Variants in MAGI2 observed in about 807,000 individuals in gnomAD.
The protein encoded by MAGI2 is membrane associated guanylate kinase, WW and PDZ domain containing 2.
A neutral mutation model predicts 133.3 loss-of-function variants in MAGI2; 35 were observed. That is an observed-to-expected ratio of 0.26 (90% confidence interval 0.20 to 0.35). The LOEUF is 0.35. Among genes scored for constraint, MAGI2 ranks in the 10% least tolerant of loss-of-function variants. The pLI, the probability that MAGI2 is intolerant of heterozygous loss-of-function variation, is 1.00. For missense variants in MAGI2, 1,636 were observed against 1,863.4 expected, an observed-to-expected ratio of 0.88 and a Z score of 2.25; for synonymous variants, 729 against 710.6, an observed-to-expected ratio of 1.03 and a Z score of -0.41.
At chr7:78,045,774 A>T (rs563413385) in intron 21 of MAGI2, among the ~76,000 whole-genome samples, 9 of 152,290 alleles carry the variant, frequency 5.9e-5, no homozygotes, top group African/African-American at 2.2e-4. Context: ...GCATGCATGC[A>T]GGGTGCTTTA....
intron 1 of MAGI2, among the ~76,000 whole-genome samples, chr7:79,059,530 G>T (rs189991005): frequency 6.6e-6 from 1 of 152,174 alleles, no homozygotes; most frequent in Admixed American, 6.6e-5. Context: ...GTGTCTAGGA[G>T]ATATTCCGTG....
chr7:79,158,018 T>C (rs959803000), intron 1 of MAGI2, among the ~76,000 whole-genome samples: 2 of 151,676 alleles, frequency 1.3e-5, no homozygotes, highest in Admixed American at 1.3e-4. Context: ...TTATGTTTAA[T>C]TGGCAGTTAA....
At chr7:78,547,218 G>A (rs1798920027) in intron 3 of MAGI2, among the ~76,000 whole-genome samples, 1 of 152,142 alleles carries the variant, frequency 6.6e-6, no homozygotes, top group Admixed American at 6.6e-5. Flanking sequence ...TGAAATAAAT[G>A]TGAACTATAC....
intron 16 of MAGI2, among the ~76,000 whole-genome samples, chr7:78,147,853 A>C (rs1041659750): frequency 6.6e-6 from 1 of 151,874 alleles, no homozygotes; most frequent in African/African-American, 2.4e-5. Context: ...CCACCCCCAA[A>C]CCCCAAAATG....
chr7:79,219,215 A>G lies in MAGI2; in HGVS notation c.302-212009T>C, dbSNP rs190346946. ...AAAGCAATGGTTCTAGTTAAAAAGC[A>G]TACATGGCCAACGTTGTTTACTCAC... On this transcript the variant is annotated intron_variant, in intron 1 of 21. Transcript: ENST00000354212. Among the ~76,000 whole-genome samples the G allele has an allele frequency of 4.3e-4, 66 of 152,188 alleles. 2 individuals are homozygous for G. The Middle Eastern group carries it at 0.027, about 63-fold the overall frequency.
At chr7:78,541,271 A>G (rs727200) in intron 3 of MAGI2, among the ~76,000 whole-genome samples, 120,345 of 152,158 alleles carry the variant, frequency 0.79, 48,150 homozygotes, top group African/African-American at 0.91. Context: ...GTCTTAATAG[A>G]TATCAGACAC....
chr7:78,438,030 T>C (rs1281505257), intron 6 of MAGI2, among the ~76,000 whole-genome samples: 1 of 152,148 alleles, frequency 6.6e-6, no homozygotes, highest in Non-Finnish European at 1.5e-5. Context: ...GTTGTTTATG[T>C]CACATGTAAT....
chr7:78,821,883 G>T (rs558845005), intron 2 of MAGI2, among the ~76,000 whole-genome samples: 20 of 152,040 alleles, frequency 1.3e-4, no homozygotes, highest in African/African-American at 4.3e-4. Flanking sequence ...GAAAGGCAAA[G>T]AAAATTCTGT....
rs529381396 is a variant in MAGI2 at position 78,844,067 on chromosome 7, G to A, written c.418+163023C>T. Among the ~76,000 whole-genome samples, 301 of 149,772 alleles carry A rather than the reference G, an allele frequency of 2.0e-3. 1 individual carries two copies. Among genetic ancestry groups the A allele is most frequent in the African/African-American group, 4.1e-3 (170 of 41,112 alleles). The stretch of plus-strand genomic sequence containing the variant: ...TCTACACACAGACACACATTCACAC[G>A]TTGCCTCTAATTTCAGAATTTTTTT... On this transcript the variant is annotated intron_variant, in intron 2 of 21. Coordinates refer to ENST00000354212, the MANE Select transcript of MAGI2 (RefSeq NM_012301.4).
chr7:78,177,936 A>G, intron 14 of MAGI2, 75 bp downstream of exon 14: 1 of 1,064,080 alleles, frequency 9.4e-7, no homozygotes. Context: ...TAGATATCAC[A>G]CTAAACACTA....
rs565498798 is a variant in MAGI2, at chr7:78,821,015, T to C, written c.418+186075A>G. ...TTTTCAATTAAGTTTTACACAAATGTGAACATAATACTAATCAGACATGGA... is the reference window on the plus strand; with the variant it reads ...TTTTCAATTAAGTTTTACACAAATGCGAACATAATACTAATCAGACATGGA... On this transcript the variant is annotated intron_variant, in intron 2 of 21. Coordinates refer to ENST00000354212, the MANE Select transcript of MAGI2 (RefSeq NM_012301.4). 2.0e-5 allele frequency among the ~76,000 whole-genome samples: 3 copies of C among 152,126 alleles called. No homozygotes were observed. In the South Asian group the frequency reaches 6.2e-4, roughly 32 times the overall value.
chr7:78,722,010 T>A (rs1250219030), intron 2 of MAGI2, among the ~76,000 whole-genome samples: 2 of 151,552 alleles, frequency 1.3e-5, no homozygotes, highest in African/African-American at 4.8e-5. Context: ...GAAAAACTTT[T>A]TTATTTGTAA....
chr7:78,422,553 C>A (rs1798896158), intron 6 of MAGI2, among the ~76,000 whole-genome samples: 1 of 145,970 alleles, frequency 6.9e-6, no homozygotes. Flanking sequence ...TCTATTATTT[C>A]TAGAAGGTGA....
At chr7:78,119,776 C>T (rs1563145532) in intron 20 of MAGI2, among the ~76,000 whole-genome samples, 1 of 151,804 alleles carries the variant, frequency 6.6e-6, no homozygotes, top group Non-Finnish European at 1.5e-5. Context: ...TTTGCTGTGA[C>T]CCTAAAACCG....
chr7:79,020,738 C>A (rs1295632098), intron 1 of MAGI2, among the ~76,000 whole-genome samples: 1 of 144,054 alleles, frequency 6.9e-6, no homozygotes, highest in Non-Finnish European at 1.5e-5. Context: ...TGCACTGCAA[C>A]CTGGGTGACA....
intron 3 of MAGI2, among the ~76,000 whole-genome samples, chr7:78,601,411 T>G (rs1486014673): frequency 6.6e-6 from 1 of 152,216 alleles, no homozygotes; most frequent in Non-Finnish European, 1.5e-5. Flanking sequence ...TGTAATTTTT[T>G]TCTTCATAAG....
rs1471019185 is a variant in MAGI2, at chr7:79,425,575, GTT to G, written c.301+27443_301+27444del. Among the ~76,000 whole-genome samples, 43 of 26,226 alleles carry G rather than the reference GTT, an allele frequency of 1.6e-3. No homozygotes were observed. In the East Asian group the frequency reaches 0.054, roughly 33 times the overall value. The allele number at this position is 26,226 out of a possible 152,430, so 17.2% of individuals were successfully genotyped here. A position where few individuals can be genotyped will look rare whatever the true frequency, so the allele number is the denominator to read the frequency against. On this transcript the variant is annotated intron_variant, in intron 1 of 21. Transcript: ENST00000354212. ...CAGAACTGTTTTGCAGAAAATAAGG[GTT>G]TTATATATATATATATATATATGTA...
At chr7:78,490,373 A>C (rs932512264) in intron 5 of MAGI2, among the ~76,000 whole-genome samples, 1 of 152,110 alleles carries the variant, frequency 6.6e-6, no homozygotes, top group African/African-American at 2.4e-5. Context: ...AACTCACATT[A>C]AACTATCTTT....
At chr7:79,152,411 T>C (rs1436971470) in intron 1 of MAGI2, among the ~76,000 whole-genome samples, 1 of 152,206 alleles carries the variant, frequency 6.6e-6, no homozygotes, top group Non-Finnish European at 1.5e-5. Flanking sequence ...TATGTCTGAA[T>C]AAATAACTTT....
Sources: allele counts gnomAD v4.1 joint callset (sites outside exome capture counted in the v4.1 genomes callset), GRCh38; gene constraint gnomAD v4.1.1; transcripts MANE v1.5; gene names NCBI Gene and HGNC (gene_info 2026-07-23, HGNC 2026-07-21).